The following SPPL2A variants were observed in gnomAD, a reference collection of about 807,000 sequenced individuals.
The protein encoded by SPPL2A is signal peptide peptidase like 2A.
SPPL2A carries 51 observed loss-of-function variants against 63.8 expected under a neutral mutation model. That is an observed-to-expected ratio of 0.80 (90% confidence interval 0.64 to 1.01). The LOEUF is 1.01. Among genes scored for constraint, SPPL2A ranks in the 50% least tolerant of loss-of-function variants. SPPL2A has a pLI of 0.00. For synonymous variants in SPPL2A, 188 were observed against 205.8 expected, an observed-to-expected ratio of 0.91 and a Z score of 0.74; for missense variants, 553 against 622.7, an observed-to-expected ratio of 0.89 and a Z score of 1.19.
Position 50,718,658 on chromosome 15 carries a change from TA to T in SPPL2A, c.1488+1281del, listed in dbSNP as rs2062619266. On this transcript the variant is annotated intron_variant, in intron 14 of 14. Coordinates refer to ENST00000261854, the MANE Select transcript of SPPL2A (RefSeq NM_032802.4). ...GTAGGCAAGACAGGTATTATTAGCT[TA>T]ACCAAATCTCAAAGAAATGTTAAGA... 7.9e-5 allele frequency among the ~76,000 whole-genome samples: 12 copies of T among 151,874 alleles called. No homozygotes were observed. The South Asian group carries it at 2.5e-3, about 32-fold the overall frequency.
intron 12 of SPPL2A, 144 bp from the exon 13 acceptor site, chr15:50,722,345 T>G (rs2062655357): frequency 1.8e-6 from 1 of 547,780 alleles, no homozygotes; most frequent in African/African-American, 1.9e-5. Flanking sequence ...TTGACAAAAT[T>G]TTATATGCTG....
chr15:50,719,276 C>T (rs564282345), intron 14 of SPPL2A, among the ~76,000 whole-genome samples: 1 of 152,090 alleles, frequency 6.6e-6, no homozygotes, highest in Admixed American at 6.6e-5. Context: ...TGGAGTTTCA[C>T]TCTTGTTGCC....
intron 12 of SPPL2A, among the ~76,000 whole-genome samples, chr15:50,722,791 T>C (rs1401660422): frequency 6.6e-6 from 1 of 152,158 alleles, no homozygotes; most frequent in Non-Finnish European, 1.5e-5. Flanking sequence ...TTAAAAAATA[T>C]ATTGAACAGA....
chr15:50,720,137 A>G (rs2062633043), intron 13 of SPPL2A, 37 bp from the exon 14 acceptor site: 1 of 1,552,502 alleles, frequency 6.4e-7, no homozygotes, highest in Non-Finnish European at 8.7e-7. Flanking sequence ...TCATTTCTAC[A>G]TGTTACCAAA....
At chr15:50,762,685 CT>C (rs755396387) in intron 1 of SPPL2A, among the ~76,000 whole-genome samples, 1 of 151,030 alleles carries the variant, frequency 6.6e-6, no homozygotes, top group Non-Finnish European at 1.5e-5. Context: ...GATGTTGGCC[CT>C]GTTATTACAT....
chr15:50,714,562 T>C (rs1231602418), intron 14 of SPPL2A, among the ~76,000 whole-genome samples: 2 of 146,686 alleles, frequency 1.4e-5, no homozygotes, highest in Non-Finnish European at 3.0e-5. Flanking sequence ...ACCCTGGAGG[T>C]GGAGGTTGCA....
chr15:50,725,384 A>C, intron 11 of SPPL2A, 61 bp from the exon 12 acceptor site: 1 of 864,506 alleles, frequency 1.2e-6, no homozygotes, highest in South Asian at 1.5e-5. Flanking sequence ...GAGGCCGCCA[A>C]TGAACTTCTT....
rs182180588 is a variant in SPPL2A, at chr15:50,731,815, C to T, written c.1015-776G>A. Among the ~76,000 whole-genome samples the T allele has an allele frequency of 2.4e-4, 36 of 149,042 alleles. No individual in the cohort carries two copies. The East Asian group carries it at 5.9e-3, about 24-fold the overall frequency. On this transcript the variant is annotated intron_variant, in intron 9 of 14. Transcript: ENST00000261854. The stretch of plus-strand genomic sequence containing the variant: ...TGGTGGTAGGTGCCTGTAATCCCAG[C>T]TACTTGGGAGGCTGAGACAGGAGAA...
chr15:50,731,213 C>G (rs2062728069), intron 9 of SPPL2A, among the ~76,000 whole-genome samples, 174 bp from the exon 10 acceptor site: 1 of 152,136 alleles, frequency 6.6e-6, no homozygotes, highest in Non-Finnish European at 1.5e-5. Context: ...AAACCCTTAT[C>G]TTCTTTATCT....
chr15:50,722,976 A>C (rs1200402169), intron 12 of SPPL2A, among the ~76,000 whole-genome samples: 1 of 152,190 alleles, frequency 6.6e-6, no homozygotes, highest in East Asian at 1.9e-4. Flanking sequence ...ATAAGTAAAC[A>C]ACCCAATTAG....
At position 50,749,184 on chromosome 15, in the gene SPPL2A, T is replaced by C. The variant is rs529074175; in HGVS notation, c.178-314A>G. 2.6e-5 allele frequency among the ~76,000 whole-genome samples: 4 copies of C among 152,348 alleles called. No individual in the cohort carries two copies. In the South Asian group the frequency reaches 8.3e-4, roughly 32 times the overall value. On this transcript the variant is annotated intron_variant, in intron 2 of 14. Transcript: ENST00000261854. ...TTTAAATAGAGACAGGGTGTCACTA[T>C]GCTGACCAGATTGGTCTTGACCACT...
At chr15:50,719,306 G>A (rs1195451411) in intron 14 of SPPL2A, among the ~76,000 whole-genome samples, 2 of 152,002 alleles carry the variant, frequency 1.3e-5, no homozygotes, top group Admixed American at 6.6e-5. Context: ...GTGCAATGGC[G>A]TAATCTTGGC....
intron 1 of SPPL2A, among the ~76,000 whole-genome samples, chr15:50,761,427 C>T (rs1271140913): frequency 2.6e-5 from 4 of 151,840 alleles, no homozygotes; most frequent in Non-Finnish European, 5.9e-5. Flanking sequence ...AGTAGCCTGA[C>T]CAATGTGGAG....
At chr15:50,744,847 G>C (rs2062846523) in intron 5 of SPPL2A, among the ~76,000 whole-genome samples, 1 of 152,104 alleles carries the variant, frequency 6.6e-6, no homozygotes, top group South Asian at 2.1e-4. Context: ...CAGCAGATGT[G>C]GTGGCTATGG....
intron 1 of SPPL2A, among the ~76,000 whole-genome samples, chr15:50,765,109 A>G (rs1160497613): frequency 6.6e-6 from 1 of 152,186 alleles, no homozygotes; most frequent in African/African-American, 2.4e-5. Context: ...GGCTTAGACA[A>G]TAAAACCCAG....
In SPPL2A at chr15:50,765,480, G is replaced by A; in HGVS notation, c.54C>T (p.Phe18=). Residue 18 remains phenylalanine, a synonymous_variant, in exon 1 of 15, where the codon TTC becomes TTT. Transcript: ENST00000261854. ...CCCGCCCCCTTACCAGCTGGAGCAGGAAGCCCCAGAGTAGGGCGGCCCCGG... is the reference window on the plus strand; with the variant it reads ...CCCGCCCCCTTACCAGCTGGAGCAGAAAGCCCCAGAGTAGGGCGGCCCCGG... The part of the protein sequence containing the change: ...SPAGAALLWG[F]LLQLTAAQEA... 1 of 1,504,762 alleles carries A rather than the reference G, an allele frequency of 6.6e-7. No individual in the cohort carries two copies. Among genetic ancestry groups the A allele is most frequent in the South Asian group, 1.2e-5 (1 of 81,254 alleles). The allele number at this position is 1,504,762 out of a possible 1,614,324, so 93.2% of individuals were successfully genotyped here.
At chr15:50,731,410 G>T (rs1265169665) in intron 9 of SPPL2A, among the ~76,000 whole-genome samples, 1 of 151,966 alleles carries the variant, frequency 6.6e-6, no homozygotes, top group Non-Finnish European at 1.5e-5. Context: ...GCCGGGCATG[G>T]TGGCACGTGC....
chr15:50,728,504 C>T (rs1348870629), intron 10 of SPPL2A, among the ~76,000 whole-genome samples: 10 of 151,226 alleles, frequency 6.6e-5, no homozygotes, highest in African/African-American at 1.7e-4. Flanking sequence ...CCACCATGCC[C>T]GGCTAATTTT....
At chr15:50,754,039 C>T (rs769595269) in intron 1 of SPPL2A, among the ~76,000 whole-genome samples, 2 of 152,160 alleles carry the variant, frequency 1.3e-5, no homozygotes, top group Non-Finnish European at 1.5e-5. Flanking sequence ...TCAGACGATC[C>T]GCCCGTCTCA....
Sources: allele counts gnomAD v4.1 joint callset (sites outside exome capture counted in the v4.1 genomes callset), GRCh38; gene constraint gnomAD v4.1.1; transcripts MANE v1.5; gene names NCBI Gene and HGNC (gene_info 2026-07-23, HGNC 2026-07-21).